PCDHA12: variants seen among roughly 807,000 people sequenced by gnomAD.
PCDHA12 encodes protocadherin alpha-12.
PCDHA12 carries 44 observed loss-of-function variants against 60.0 expected under a neutral mutation model. That is an observed-to-expected ratio of 0.73 (90% CI 0.58 to 0.94). The LOEUF (loss-of-function observed/expected upper bound fraction) is 0.94, where lower values mean the gene tolerates loss of function less well. PCDHA12 is among the 40% of genes least tolerant of loss of function. PCDHA12 has a pLI of 0.00. For synonymous variants in PCDHA12, 569 were observed against 553.0 expected (o/e 1.03, Z -0.40); for missense variants, 1,276 against 1,239.7 (o/e 1.03, Z -0.44).
chr5:140,904,502 G>T (rs1554191560), intron 1 of PCDHA12, among the ~76,000 whole-genome samples: 2 of 151,770 alleles, frequency 1.3e-5, no homozygotes, highest in African/African-American at 4.8e-5. Flanking sequence ...TTTTACAATT[G>T]TGAATTGTGC....
intron 1 of PCDHA12, among the ~76,000 whole-genome samples, chr5:140,902,664 A>G (rs2069638514): frequency 6.6e-6 from 1 of 152,128 alleles, no homozygotes. Context: ...CTGTCACCCA[A>G]GCAGTGTACA....
intron 1 of PCDHA12, among the ~76,000 whole-genome samples, chr5:140,937,827 G>A (rs1328688983): frequency 2.6e-5 from 4 of 151,564 alleles, no homozygotes; most frequent in Non-Finnish European, 5.9e-5. Context: ...CAGGAGAATG[G>A]CATGAACCTG....
intron 2 of PCDHA12, among the ~76,000 whole-genome samples, chr5:140,981,053 A>T (rs1422870263): frequency 6.6e-6 from 1 of 152,206 alleles, no homozygotes; most frequent in Non-Finnish European, 1.5e-5. Flanking sequence ...AGATAATTCT[A>T]GAGTGTAGAC....
intron 1 of PCDHA12, among the ~76,000 whole-genome samples, chr5:140,925,768 G>A (rs1018599372): frequency 6.6e-6 from 1 of 151,870 alleles, no homozygotes; most frequent in Admixed American, 6.6e-5. Flanking sequence ...TAGTTTCCTG[G>A]TCAAACTCTA....
At position 140,876,443 on chromosome 5, in the gene PCDHA12, A is replaced by C; in HGVS notation, c.971A>C (p.Asp324Ala). The C allele has an allele frequency of 6.2e-7, 1 of 1,614,012 alleles. No individual in the cohort carries two copies. Among genetic ancestry groups the C allele is most frequent in the Non-Finnish European group, 8.5e-7 (1 of 1,179,896 alleles). The change falls in exon 1 of 4, where the codon GAT (aspartate) becomes GCT (alanine). Residue 324 changes from aspartate (D) to alanine (A), a missense_variant. Asp to Ala is a moderately radical substitution (Grantham distance 126). Coordinates refer to ENST00000398631, the MANE Select transcript of PCDHA12 (RefSeq NM_018903.4). ...NAYEIQVNAI[D>A]KGIPSMAGHS... is the part of the protein sequence containing the mutation. Reference sequence around the variant, plus strand: ...TATGAAATTCAGGTTAACGCCATTGATAAAGGGATTCCTTCCATGGCAGGT... The same window carrying C: ...TATGAAATTCAGGTTAACGCCATTGCTAAAGGGATTCCTTCCATGGCAGGT...
At chr5:140,985,167 G>C (rs905296036) in intron 3 of PCDHA12, among the ~76,000 whole-genome samples, 2 of 152,176 alleles carry the variant, frequency 1.3e-5, no homozygotes, top group Admixed American at 1.3e-4. Context: ...TCAATCTCCT[G>C]ACCTCGTAAT....
At chr5:140,956,504 T>C (rs577559329) in intron 1 of PCDHA12, among the ~76,000 whole-genome samples, 1 of 152,352 alleles carries the variant, frequency 6.6e-6, no homozygotes, top group South Asian at 2.1e-4. Context: ...TGAAGCCTAC[T>C]TGATCATGGT....
At chr5:140,903,635 A>T (rs2070455281) in intron 1 of PCDHA12, among the ~76,000 whole-genome samples, 1 of 152,244 alleles carries the variant, frequency 6.6e-6, no homozygotes, top group Non-Finnish European at 1.5e-5. Context: ...ATGTATGCAT[A>T]TACCATATAC....
intron 1 of PCDHA12, among the ~76,000 whole-genome samples, chr5:140,951,625 A>T (rs2094607568): frequency 6.6e-6 from 1 of 152,114 alleles, no homozygotes; most frequent in African/African-American, 2.4e-5. Flanking sequence ...CAAGGGGGAA[A>T]CCTGCCCCAT....
At chr5:140,994,059 A>G (rs2097593470) in intron 3 of PCDHA12, among the ~76,000 whole-genome samples, 5 of 152,174 alleles carry the variant, frequency 3.3e-5, no homozygotes, top group Admixed American at 3.3e-4. Context: ...GCCCTTATAA[A>G]TCTAATGGTG....
At chr5:140,896,033 A>G (rs994719566) in intron 1 of PCDHA12, among the ~76,000 whole-genome samples, 2 of 151,874 alleles carry the variant, frequency 1.3e-5, no homozygotes, top group East Asian at 1.9e-4. Flanking sequence ...CTGGTCTCGA[A>G]CTCCTGACCT....
At chr5:140,953,959 C>T (rs2094958753) in intron 1 of PCDHA12, among the ~76,000 whole-genome samples, 1 of 152,044 alleles carries the variant, frequency 6.6e-6, no homozygotes, top group South Asian at 2.1e-4. Flanking sequence ...CAACAGGCCC[C>T]AGTGTGTGTT....
intron 1 of PCDHA12, among the ~76,000 whole-genome samples, chr5:140,935,180 T>C (rs781934014): frequency 3.9e-5 from 6 of 152,214 alleles, no homozygotes; most frequent in Non-Finnish European, 7.3e-5. Flanking sequence ...TTATTGCTGC[T>C]GGGTCAGTTG....
chr5:140,983,146 G>T (rs894953025), intron 3 of PCDHA12, among the ~76,000 whole-genome samples: 3 of 152,140 alleles, frequency 2.0e-5, no homozygotes, highest in Non-Finnish European at 4.4e-5. Flanking sequence ...TAGTGCCTTG[G>T]CATGCATGTT....
chr5:140,884,155 C>T (rs781815602), intron 1 of PCDHA12: 1 of 1,613,430 alleles, frequency 6.2e-7, no homozygotes, highest in Non-Finnish European at 8.5e-7. Flanking sequence ...TGTACACTGG[C>T]GAGATCAGCA....
At chr5:140,988,348 A>T (rs2097293800) in intron 3 of PCDHA12, among the ~76,000 whole-genome samples, 1 of 152,116 alleles carries the variant, frequency 6.6e-6, no homozygotes, top group Admixed American at 6.6e-5. Flanking sequence ...TCCTTTTAAG[A>T]TGCACTTTTA....
At chr5:140,903,166 T>C (rs758397398) in intron 1 of PCDHA12, among the ~76,000 whole-genome samples, 34 of 152,226 alleles carry the variant, frequency 2.2e-4, no homozygotes, top group Non-Finnish European at 2.5e-4. Context: ...TGTGCTGGTT[T>C]ACATTCCCAC....
At chr5:140,970,884 A>G (rs1013057138) in intron 1 of PCDHA12, among the ~76,000 whole-genome samples, 1 of 152,218 alleles carries the variant, frequency 6.6e-6, no homozygotes, top group Admixed American at 6.5e-5. Context: ...GATTTTTCTC[A>G]TGGACATTTC....
chr5:140,980,734 T>C (rs2096903764), intron 2 of PCDHA12, among the ~76,000 whole-genome samples: 3 of 151,998 alleles, frequency 2.0e-5, no homozygotes, highest in African/African-American at 4.8e-5. Context: ...TAAGATATTA[T>C]GAGATTTGAG....
Sources: gnomAD v4.1 joint callset for allele counts (sites outside exome capture counted in the v4.1 genomes callset) on GRCh38, gnomAD v4.1.1 for gene constraint, MANE v1.5 for transcripts, NCBI Gene and HGNC (gene_info 2026-07-23, HGNC 2026-07-21) for gene names.